ADAM12: variants seen among roughly 807,000 people sequenced by gnomAD.
ADAM12 encodes disintegrin and metalloproteinase domain-containing protein 12.
A neutral mutation model predicts 106.4 loss-of-function variants in ADAM12; 70 were observed. That is an observed-to-expected ratio of 0.66 (90% CI 0.54 to 0.80). ADAM12 has a LOEUF of 0.80. Ranked by LOEUF, ADAM12 falls within the 30% of genes least tolerant of loss-of-function variation. The pLI is 0.00. For missense variants in ADAM12, 1,010 were observed against 1,171.9 expected, an observed-to-expected ratio of 0.86 and a Z score of 2.02; for synonymous variants, 420 against 433.5, an observed-to-expected ratio of 0.97 and a Z score of 0.39.
chr10:126,021,279 C>T (rs1047490874), intron 21 of ADAM12, among the ~76,000 whole-genome samples: 2 of 152,172 alleles, frequency 1.3e-5, no homozygotes, highest in African/African-American at 4.8e-5. Flanking sequence ...TCATAGGACC[C>T]AGTATATATC....
At chr10:126,333,358 G>C (rs1012146272) in intron 1 of ADAM12, among the ~76,000 whole-genome samples, 3 of 152,214 alleles carry the variant, frequency 2.0e-5, no homozygotes, top group African/African-American at 7.2e-5. Flanking sequence ...GGTTTCCATG[G>C]GTATTCCAGC....
At chr10:126,270,277 G>A (rs1361004952) in intron 3 of ADAM12, among the ~76,000 whole-genome samples, 1 of 152,138 alleles carries the variant, frequency 6.6e-6, no homozygotes, top group African/African-American at 2.4e-5. Flanking sequence ...TACACTGCAG[G>A]CATTAGGCAA....
At chr10:126,090,842 A>G (rs929873541) in intron 11 of ADAM12, 1 of 152,250 alleles carries the variant, frequency 6.6e-6, no homozygotes, top group African/African-American at 2.4e-5. Context: ...AAGAATAAAC[A>G]AGGTATATGA....
chr10:126,138,656 G>A (rs947317044), intron 4 of ADAM12, among the ~76,000 whole-genome samples: 6 of 152,268 alleles, frequency 3.9e-5, no homozygotes, highest in South Asian at 4.1e-4. Context: ...GATTACAGGC[G>A]TGAGCCATCA....
At chr10:126,206,628 C>G (rs1485139925) in intron 3 of ADAM12, among the ~76,000 whole-genome samples, 1 of 152,204 alleles carries the variant, frequency 6.6e-6, no homozygotes, top group African/African-American at 2.4e-5. Flanking sequence ...TAAGACCAAA[C>G]ACCAGGCAAT....
At chr10:126,119,777 A>AT (rs763080331) in intron 5 of ADAM12, among the ~76,000 whole-genome samples, 75 of 152,336 alleles carry the variant, frequency 4.9e-4, no homozygotes, top group Non-Finnish European at 7.2e-4. Context: ...CTAAGGCCAC[A>AT]TCCCACTGCC....
chr10:126,358,499 C>T (rs1258894880), intron 1 of ADAM12, among the ~76,000 whole-genome samples: 1 of 152,080 alleles, frequency 6.6e-6, no homozygotes, highest in Non-Finnish European at 1.5e-5. Flanking sequence ...TACCTTAACA[C>T]AATAAAGCCA....
intron 4 of ADAM12, among the ~76,000 whole-genome samples, chr10:126,138,557 G>A (rs1274069714): frequency 6.6e-6 from 1 of 151,964 alleles, no homozygotes; most frequent in Non-Finnish European, 1.5e-5. Context: ...GTATTTTTTT[G>A]TAGTGATGGA....
At chr10:126,188,154 G>C (rs1957433010) in intron 3 of ADAM12, among the ~76,000 whole-genome samples, 1 of 152,184 alleles carries the variant, frequency 6.6e-6, no homozygotes. Context: ...CCCAACTCAG[G>C]TTCCCATGTC....
At position 126,378,294 on chromosome 10, in the gene ADAM12, A is replaced by G. The variant is rs1856364256; in HGVS notation, c.88+9764T>C. 2.0e-5 allele frequency among the ~76,000 whole-genome samples: 3 copies of G among 152,206 alleles called. No individual in the cohort carries two copies. The South Asian group carries it at 6.2e-4, about 31-fold the overall frequency. On this transcript the variant is annotated intron_variant, in intron 1 of 22. Coordinates refer to ENST00000448723, the MANE Select transcript of ADAM12 (RefSeq NM_001288973.2). The stretch of plus-strand genomic sequence containing the variant: ...TCTACAGCTTAGTAATTCACTTGTA[A>G]TAGGTTCCCTAGAGCTTACACCCAT...
intron 3 of ADAM12, among the ~76,000 whole-genome samples, chr10:126,229,263 G>C (rs1003551512): frequency 6.6e-6 from 1 of 152,150 alleles, no homozygotes; most frequent in Admixed American, 6.5e-5. Flanking sequence ...CAATTGGCCT[G>C]AAAGTTCTTA....
At chr10:126,220,521 C>T (rs1958070311) in intron 3 of ADAM12, among the ~76,000 whole-genome samples, 1 of 152,172 alleles carries the variant, frequency 6.6e-6, no homozygotes, top group Admixed American at 6.5e-5. Flanking sequence ...TCAATTCATT[C>T]TAAAATGATT....
intron 1 of ADAM12, among the ~76,000 whole-genome samples, chr10:126,366,464 AG>A (rs747658709): frequency 2.6e-5 from 4 of 151,062 alleles, no homozygotes; most frequent in Admixed American, 6.6e-5. Flanking sequence ...CAGCTAAAAA[AG>A]GGAAATATTA....
At chr10:126,275,426 G>A (rs1182119294) in intron 3 of ADAM12, among the ~76,000 whole-genome samples, 1 of 152,104 alleles carries the variant, frequency 6.6e-6, no homozygotes, top group Admixed American at 6.6e-5. Context: ...TCATAAATTA[G>A]GGATGTTAGA....
intron 14 of ADAM12, among the ~76,000 whole-genome samples, chr10:126,054,179 G>C (rs1361430980): frequency 6.6e-6 from 1 of 152,164 alleles, no homozygotes; most frequent in Non-Finnish European, 1.5e-5. Flanking sequence ...TATTAGCCCA[G>C]TGGGTGTATA....
chr10:126,167,456 G>A (rs899493681), intron 3 of ADAM12, among the ~76,000 whole-genome samples: 3 of 152,174 alleles, frequency 2.0e-5, no homozygotes, highest in Non-Finnish European at 4.4e-5. Context: ...AGTGAGTTGG[G>A]TGAATCTATT....
intron 10 of ADAM12, among the ~76,000 whole-genome samples, chr10:126,095,244 A>T (rs1414630362): frequency 6.6e-6 from 1 of 152,066 alleles, no homozygotes; most frequent in East Asian, 1.9e-4. Flanking sequence ...TTAAGAAGTG[A>T]TTGGGTCAGG....
chr10:126,348,888 T>C (rs550596614), intron 1 of ADAM12, among the ~76,000 whole-genome samples: 4 of 152,204 alleles, frequency 2.6e-5, no homozygotes, highest in African/African-American at 4.8e-5. Flanking sequence ...ATAATTACGC[T>C]AAGAAAAAAT....
In ADAM12 at chr10:126,213,462, G is replaced by C. The variant is rs1957936454; in HGVS notation, c.261-58157C>G. Reference sequence around the variant, plus strand: ...TTTAGCAAGACAAGCAGGAAAACAAGAAGCTAATAATTGATCAAACATTTG... The same window carrying C: ...TTTAGCAAGACAAGCAGGAAAACAACAAGCTAATAATTGATCAAACATTTG... On this transcript the variant is annotated intron_variant, in intron 3 of 22. Transcript: ENST00000448723. 3.3e-5 allele frequency among the ~76,000 whole-genome samples: 5 copies of C among 152,194 alleles called. No homozygotes were observed. In the South Asian group the frequency reaches 1.0e-3, roughly 31 times the overall value.
Sources: allele counts gnomAD v4.1 joint callset (sites outside exome capture counted in the v4.1 genomes callset), GRCh38; gene constraint gnomAD v4.1.1; transcripts MANE v1.5; gene names NCBI Gene and HGNC (gene_info 2026-07-23, HGNC 2026-07-21).